DYM: variants seen among roughly 807,000 people sequenced by gnomAD.
DYM encodes dyggve-Melchior-Clausen syndrome protein.
DYM carries 78 observed loss-of-function variants against 93.1 expected under a neutral mutation model. That is an observed-to-expected ratio of 0.84 (90% CI 0.70 to 1.01). DYM has a LOEUF of 1.01. DYM is among the 50% of genes least tolerant of loss of function. DYM has a pLI of 0.00. For synonymous variants in DYM, 321 were observed against 319.7 expected, an observed-to-expected ratio of 1.00 and a Z score of -0.04; for missense variants, 789 against 845.0, an observed-to-expected ratio of 0.93 and a Z score of 0.82.
intron 17 of DYM, among the ~76,000 whole-genome samples, chr18:49,094,246 C>T (rs1163482039): frequency 6.6e-6 from 1 of 152,146 alleles, no homozygotes; most frequent in African/African-American, 2.4e-5. Context: ...TGAGAACACG[C>T]ACGGATCTGG....
intron 1 of DYM, among the ~76,000 whole-genome samples, chr18:49,442,774 C>CT (rs1308222711): frequency 6.6e-6 from 1 of 151,894 alleles, no homozygotes; most frequent in African/African-American, 2.4e-5. Flanking sequence ...TGGCGTGGTA[C>CT]TTTTTTTTCT....
At chr18:49,379,846 A>G (rs2067874917) in intron 3 of DYM, 88 bp from the exon 4 acceptor site, 10 of 1,105,552 alleles carry the variant, frequency 9.0e-6, no homozygotes, top group Non-Finnish European at 1.4e-5. Context: ...ACCAAATGTC[A>G]TATTAAAATT....
chr18:49,150,925 G>C (rs962464608), intron 15 of DYM, among the ~76,000 whole-genome samples: 2 of 152,134 alleles, frequency 1.3e-5, no homozygotes, highest in African/African-American at 4.8e-5. Flanking sequence ...GTATATTTAA[G>C]GATTGTTTAG....
At chr18:49,065,727 A>T (rs1010661168) in intron 17 of DYM, among the ~76,000 whole-genome samples, 5 of 152,188 alleles carry the variant, frequency 3.3e-5, no homozygotes, top group African/African-American at 1.2e-4. Context: ...AAAAAAAATT[A>T]AAAACAGGGC....
chr18:49,299,716 A>G (rs1168918770), intron 8 of DYM, among the ~76,000 whole-genome samples: 2 of 152,028 alleles, frequency 1.3e-5, no homozygotes, highest in Admixed American at 1.3e-4. Context: ...TAAATTTTGC[A>G]TTTTTACAGA....
intron 17 of DYM, among the ~76,000 whole-genome samples, chr18:49,066,303 T>C (rs1229732685): frequency 1.3e-5 from 2 of 152,172 alleles, no homozygotes; most frequent in African/African-American, 4.8e-5. Context: ...TTTTACCACC[T>C]ATACCTGCAT....
intron 2 of DYM, among the ~76,000 whole-genome samples, chr18:49,406,833 T>C (rs78471030): frequency 0.091 from 13,922 of 152,278 alleles, 860 homozygotes; most frequent in East Asian, 0.31. Context: ...ACAGCAATTG[T>C]ACTCTTGAAC....
intron 8 of DYM, among the ~76,000 whole-genome samples, chr18:49,300,381 C>T (rs1008617013): frequency 6.6e-6 from 1 of 151,888 alleles, no homozygotes; most frequent in African/African-American, 2.4e-5. Flanking sequence ...GGGCCGGTTC[C>T]CTGAGCTCAG....
At chr18:49,456,298 G>A (rs1159579719) in intron 1 of DYM, among the ~76,000 whole-genome samples, 1 of 152,152 alleles carries the variant, frequency 6.6e-6, no homozygotes, top group African/African-American at 2.4e-5. Context: ...AAACAAACTA[G>A]TCATATGTTT....
intron 2 of DYM, among the ~76,000 whole-genome samples, chr18:49,394,384 T>C (rs2069776961): frequency 6.6e-6 from 1 of 151,548 alleles, no homozygotes; most frequent in South Asian, 2.1e-4. Context: ...TTCTGTTTCA[T>C]TTGTCTGTTT....
intron 17 of DYM, among the ~76,000 whole-genome samples, chr18:49,059,521 C>T (rs1022704862): frequency 2.6e-5 from 4 of 152,130 alleles, no homozygotes; most frequent in Admixed American, 1.3e-4. Flanking sequence ...GATGGGTCTG[C>T]ATCACTGAGC....
intron 9 of DYM, among the ~76,000 whole-genome samples, chr18:49,282,527 C>T (rs1004383643): frequency 7.9e-5 from 12 of 152,156 alleles, no homozygotes; most frequent in Non-Finnish European, 1.5e-4. Context: ...GCAGGAGAAT[C>T]GCTTGAACCT....
At chr18:49,426,312 C>T (rs1166656995) in intron 2 of DYM, among the ~76,000 whole-genome samples, 2 of 147,650 alleles carry the variant, frequency 1.4e-5, no homozygotes, top group African/African-American at 5.0e-5. Context: ...AACCAAACAC[C>T]ACATGCTCTC....
intron 7 of DYM, 135 bp from the exon 8 acceptor site, chr18:49,332,141 G>A: frequency 1.1e-6 from 1 of 911,432 alleles, no homozygotes; most frequent in Non-Finnish European, 1.7e-6. Context: ...CACAGAAATT[G>A]AGCACTGCAC....
intron 2 of DYM, among the ~76,000 whole-genome samples, chr18:49,410,145 C>T (rs573746064): frequency 3.9e-5 from 6 of 152,208 alleles, no homozygotes; most frequent in East Asian, 1.9e-4. Context: ...AGCTCACTGC[C>T]GCTTAGAACT....
chr18:49,136,305 TC>T (rs1472917433), intron 15 of DYM, among the ~76,000 whole-genome samples: 1 of 152,254 alleles, frequency 6.6e-6, no homozygotes, highest in Non-Finnish European at 1.5e-5. Flanking sequence ...ACTTACATTT[TC>T]AAAGCCCCAA....
At chr18:49,304,613 G>A (rs550885725) in intron 8 of DYM, among the ~76,000 whole-genome samples, 11 of 152,208 alleles carry the variant, frequency 7.2e-5, no homozygotes, top group East Asian at 3.9e-4. Context: ...CACAAGCCAC[G>A]TACCATGGAG....
At chr18:49,331,078 C>T (rs1373182699) in intron 8 of DYM, among the ~76,000 whole-genome samples, 1 of 151,880 alleles carries the variant, frequency 6.6e-6, no homozygotes, top group Non-Finnish European at 1.5e-5. Flanking sequence ...CACGCCACAG[C>T]CATAATGCAG....
chr18:49,411,409 C>T (rs550347563), intron 2 of DYM, among the ~76,000 whole-genome samples: 20 of 152,168 alleles, frequency 1.3e-4, no homozygotes, highest in African/African-American at 4.1e-4. Flanking sequence ...AGATGATAGA[C>T]GACTTTCTTG....
Sources: gnomAD v4.1 joint callset for allele counts (sites outside exome capture counted in the v4.1 genomes callset) on GRCh38, gnomAD v4.1.1 for gene constraint, MANE v1.5 for transcripts, NCBI Gene and HGNC (gene_info 2026-07-23, HGNC 2026-07-21) for gene names.